Variants in CTBP2 observed in about 807,000 individuals in gnomAD.
CTBP2 encodes C-terminal binding protein 2.
A neutral mutation model predicts 80.3 loss-of-function variants in CTBP2; 30 were observed. That is an observed-to-expected ratio of 0.37 (90% CI 0.28 to 0.51). The LOEUF (loss-of-function observed/expected upper bound fraction) is 0.51. Ranked by LOEUF, CTBP2 falls within the 20% of genes least tolerant of loss-of-function variation. The pLI is 0.93. For synonymous variants in CTBP2, 594 were observed against 587.4 expected, an observed-to-expected ratio of 1.01 and a Z score of -0.16; for missense variants, 1,212 against 1,375.3, an observed-to-expected ratio of 0.88 and a Z score of 1.88.
intron 2 of CTBP2, among the ~76,000 whole-genome samples, chr10:125,051,655 C>T (rs1486529964): frequency 9.0e-6 from 1 of 111,542 alleles, no homozygotes; most frequent in Non-Finnish European, 1.7e-5. Context: ...AGAAACCAAC[C>T]AACCAAAAAA....
chr10:125,006,812 G>A (rs1362256321), intron 1 of CTBP2, among the ~76,000 whole-genome samples: 1 of 152,206 alleles, frequency 6.6e-6, no homozygotes, highest in Non-Finnish European at 1.5e-5. Context: ...GGGAATTTGC[G>A]AGGAGAAAGC....
chr10:125,098,657 GGAGAGAGAGA>G (rs565818097), intron 2 of CTBP2, among the ~76,000 whole-genome samples: 129 of 44,968 alleles, frequency 2.9e-3, no homozygotes, highest in East Asian at 4.8e-3. Context: ...TGGGGGAGGG[GGAGAGAGAGA>G]GAGAGAGAGA....
At position 124,998,086 on chromosome 10, in the gene CTBP2, C is replaced by T. The variant is rs1390236597; in HGVS notation, c.2063G>A (p.Arg688Lys). 7 of 1,612,980 alleles carry T rather than the reference C, an allele frequency of 4.3e-6. No homozygotes were observed. Among genetic ancestry groups the T allele is most frequent in the Non-Finnish European group, 5.9e-6 (7 of 1,179,828 alleles). ...CAGTGCCTGGTACAGCCACGTGTTCCTCCGGTACAGGTTGAGGATGTGGCA... is the reference window on the plus strand; with the variant it reads ...CAGTGCCTGGTACAGCCACGTGTTCTTCCGGTACAGGTTGAGGATGTGGCA... The change falls in exon 4 of 9, where the codon AGG becomes AAG. Residue 688 changes from arginine (R) to lysine (K), a missense_variant. This residue lies in a region of CTBP2 where 335 missense variants were observed against 504.7 expected (regional missense o/e 0.66). Coordinates refer to ENST00000309035, the MANE Select transcript of CTBP2 (RefSeq NM_022802.3).
upstream of CTBP2, among the ~76,000 whole-genome samples, chr10:125,031,668 C>T (rs1444759840): frequency 1.3e-5 from 2 of 152,088 alleles, no homozygotes; most frequent in Non-Finnish European, 2.9e-5. Flanking sequence ...AAGCAGCCTT[C>T]GTCTAAATCA....
chr10:125,044,115 C>T (rs1023565778), intron 2 of CTBP2, among the ~76,000 whole-genome samples: 4 of 152,252 alleles, frequency 2.6e-5, no homozygotes, highest in East Asian at 3.9e-4. Context: ...CCCAGATGGC[C>T]GCATCAATGC....
chr10:125,155,341 C>T (rs1235601285), intron 1 of CTBP2, among the ~76,000 whole-genome samples: 2 of 152,240 alleles, frequency 1.3e-5, no homozygotes, highest in East Asian at 3.9e-4. Flanking sequence ...GTCAACATTC[C>T]ACACAAACAA....
chr10:125,012,795 G>T (rs1956076565), intron 1 of CTBP2, among the ~76,000 whole-genome samples: 1 of 152,122 alleles, frequency 6.6e-6, no homozygotes, highest in African/African-American at 2.4e-5. Flanking sequence ...GGCCAAGCAG[G>T]TCTCAAACTT....
intron 2 of CTBP2, among the ~76,000 whole-genome samples, chr10:125,080,661 T>A (rs369958833): frequency 1.3e-5 from 2 of 152,196 alleles, no homozygotes; most frequent in African/African-American, 4.8e-5. Flanking sequence ...AAGAAATCCA[T>A]GCATACAGCA....
intron 2 of CTBP2, among the ~76,000 whole-genome samples, chr10:125,074,935 G>A (rs1243926855): frequency 1.3e-5 from 2 of 152,232 alleles, no homozygotes; most frequent in Admixed American, 6.5e-5. Flanking sequence ...CCTTGACTAC[G>A]ACTTCCACAG....
intron 2 of CTBP2, among the ~76,000 whole-genome samples, chr10:125,093,032 G>A (rs1324970527): frequency 6.6e-6 from 1 of 152,082 alleles, no homozygotes; most frequent in Non-Finnish European, 1.5e-5. Context: ...CGCACTCAGT[G>A]CCCAGCGACT....
chr10:125,036,964 T>C (rs913971931), intron 3 of CTBP2, among the ~76,000 whole-genome samples: 7 of 152,138 alleles, frequency 4.6e-5, no homozygotes, highest in Admixed American at 1.3e-4. Context: ...TGGGACCAAC[T>C]GTGAGTACTT....
At chr10:125,079,722 T>G (rs1314053452) in intron 2 of CTBP2, among the ~76,000 whole-genome samples, 2 of 152,160 alleles carry the variant, frequency 1.3e-5, no homozygotes, top group African/African-American at 4.8e-5. Flanking sequence ...GACCAAAATA[T>G]CTATAATGGT....
At chr10:124,989,840 A>C (rs1036377623) in intron 8 of CTBP2, 142 bp from the exon 11 acceptor site, 2 of 733,138 alleles carry the variant, frequency 2.7e-6, no homozygotes, top group Non-Finnish European at 4.2e-6. Flanking sequence ...TCTGGGCTCA[A>C]GTGATCCCAC....
At chr10:125,036,816 G>A (rs895559103) in intron 3 of CTBP2, among the ~76,000 whole-genome samples, 1 of 151,974 alleles carries the variant, frequency 6.6e-6, no homozygotes. Flanking sequence ...AGACTGCCCG[G>A]GTTCCTGGGT....
intron 1 of CTBP2, among the ~76,000 whole-genome samples, chr10:125,012,078 A>T (rs1955990935): frequency 1.3e-5 from 2 of 152,250 alleles, no homozygotes; most frequent in Non-Finnish European, 2.9e-5. Flanking sequence ...GTGAAGGGAC[A>T]TCACCAAAAA....
chr10:125,156,890 GTTAATAA>G (rs1861014427), intron 1 of CTBP2, among the ~76,000 whole-genome samples: 1 of 152,204 alleles, frequency 6.6e-6, no homozygotes, highest in South Asian at 2.1e-4. Context: ...TGACAAACTA[GTTAATAA>G]TTATACAGAT....
At chr10:125,103,171 C>T (rs895536837) in intron 2 of CTBP2, among the ~76,000 whole-genome samples, 1 of 152,216 alleles carries the variant, frequency 6.6e-6, no homozygotes, top group Non-Finnish European at 1.5e-5. Context: ...GCAGAAAACA[C>T]TCCCAGCTAA....
At chr10:125,158,907 T>C (rs1861427224) in intron 1 of CTBP2, among the ~76,000 whole-genome samples, 2 of 150,420 alleles carry the variant, frequency 1.3e-5, no homozygotes, top group Non-Finnish European at 3.0e-5. Context: ...CGGGAGGGAG[T>C]GTGTGCGCGC....
chr10:125,141,030 C>T lies in CTBP2; in HGVS notation c.-206+19289G>A, dbSNP rs534845451. Among the ~76,000 whole-genome samples the T allele has an allele frequency of 2.4e-4, 36 of 151,284 alleles. No homozygotes were observed. The South Asian group carries it at 6.5e-3, about 27-fold the overall frequency. On this transcript the variant is annotated intron_variant, in intron 1 of 10. Coordinates refer to the CTBP2 transcript ENST00000337195. ...CAGACTGGCTGTAATCCCGGCTACT[C>T]GGGAGGCTGAGACAGGAGAATCGCT...
Sources: gnomAD v4.1 joint callset for allele counts (sites outside exome capture counted in the v4.1 genomes callset) on GRCh38, gnomAD v4.1.1 for gene constraint, gnomAD v4.1.1 regional missense constraint, MANE v1.5 for transcripts, NCBI Gene and HGNC (gene_info 2026-07-23, HGNC 2026-07-21) for gene names.